The following DPP6 variants were observed in gnomAD, a reference collection of about 807,000 sequenced individuals.
DPP6 encodes A-type potassium channel modulatory protein DPP6.
In DPP6, 69 loss-of-function variants were observed where a neutral mutation model predicts 122.6. The observed-to-expected ratio is 0.56, with a 90% CI of 0.46 to 0.69. DPP6 has a LOEUF of 0.69. Among genes scored for constraint, DPP6 ranks in the 30% least tolerant of loss-of-function variants. The probability of loss-of-function intolerance (pLI) is 0.00; values close to 1 mark genes in which losing one functional copy is unlikely to be tolerated. For missense variants in DPP6, 928 were observed against 1,116.9 expected (o/e 0.83, Z 2.41); for synonymous variants, 418 against 433.1 (o/e 0.97, Z 0.43).
At chr7:153,868,884 T>G in the DPP6 span, among the ~76,000 whole-genome samples, 1 of 152,240 alleles carries the variant, frequency 6.6e-6, no homozygotes. Flanking sequence ...AGAACATCTT[T>G]ATTTCTGCTT....
Position 154,803,866 on chromosome 7 carries a change from C to G in DPP6, c.1410C>G (p.Pro470=), listed in dbSNP as rs751320398. The G allele has an allele frequency of 8.1e-6, 13 of 1,613,542 alleles. No homozygotes were observed. Among genetic ancestry groups the G allele is most frequent in the Non-Finnish European group, 1.1e-5 (13 of 1,179,624 alleles). ...GATGCCATGTCTGTGTGTTTCAGCC[C>G]AACAGCAGCAACGACAACATCCAGT... The part of the protein sequence containing the change: ...FYHITVSSSQ[P]NSSNDNIQSI... The change falls in exon 14 of 26, where the codon CCC becomes CCG. Residue 470 remains proline (P), a splice_region_variant and synonymous_variant. Coordinates refer to ENST00000377770, the MANE Select transcript of DPP6 (RefSeq NM_130797.4).
chr7:154,738,045 G>A (rs1251047582), intron 8 of DPP6, among the ~76,000 whole-genome samples: 1 of 152,240 alleles, frequency 6.6e-6, no homozygotes, highest in Non-Finnish European at 1.5e-5. Context: ...TTGTATATTA[G>A]CATGTGCATG....
the DPP6 span, among the ~76,000 whole-genome samples, chr7:153,843,233 TAC>T: frequency 6.7e-6 from 1 of 150,342 alleles, no homozygotes; most frequent in Non-Finnish European, 1.5e-5. Context: ...TACACGCACA[TAC>T]ACACGCACAT....
chr7:153,972,415 T>C (rs1257811355), intron 1 of DPP6, among the ~76,000 whole-genome samples: 2 of 152,046 alleles, frequency 1.3e-5, no homozygotes, highest in African/African-American at 4.8e-5. Flanking sequence ...GTGAACCTAT[T>C]TGTGTGAAGC....
intron 8 of DPP6, among the ~76,000 whole-genome samples, chr7:154,747,329 G>T (rs975665674): frequency 1.3e-5 from 2 of 152,224 alleles, no homozygotes; most frequent in Admixed American, 1.3e-4. Context: ...TTGCAAACCT[G>T]CAATTGTACA....
At chr7:153,937,284 G>A (rs1585057684) in intron 1 of DPP6, among the ~76,000 whole-genome samples, 1 of 152,094 alleles carries the variant, frequency 6.6e-6, no homozygotes, top group African/African-American at 2.4e-5. Context: ...GATGGCTGTC[G>A]CAAAACACTA....
At chr7:154,798,318 G>A (rs1175817217) in intron 12 of DPP6, among the ~76,000 whole-genome samples, 3 of 152,178 alleles carry the variant, frequency 2.0e-5, no homozygotes, top group African/African-American at 2.4e-5. Flanking sequence ...CTGTATTAGC[G>A]ATTGTGTGTC....
chr7:154,506,817 G>A (rs908831406), intron 3 of DPP6, among the ~76,000 whole-genome samples: 44 of 152,188 alleles, frequency 2.9e-4, no homozygotes, highest in African/African-American at 8.4e-4. Flanking sequence ...AGTGTGATCA[G>A]GGGATAACTA....
chr7:153,906,406 T>C (rs1280600328), intron 1 of DPP6, among the ~76,000 whole-genome samples: 2 of 152,172 alleles, frequency 1.3e-5, no homozygotes, highest in Non-Finnish European at 2.9e-5. Flanking sequence ...TACGTTGCTG[T>C]GTATCCATTG....
intron 2 of DPP6, among the ~76,000 whole-genome samples, chr7:154,468,927 ATACTT>A (rs954635026): frequency 2.6e-5 from 4 of 152,242 alleles, no homozygotes; most frequent in African/African-American, 9.6e-5. Context: ...CATAAATAAT[ATACTT>A]TAGTAACACA....
At chr7:154,819,103 ATCTGAAATGT>A (rs1799600420) in intron 16 of DPP6, among the ~76,000 whole-genome samples, 1 of 152,136 alleles carries the variant, frequency 6.6e-6, no homozygotes, top group Non-Finnish European at 1.5e-5. Context: ...GCAGTCTTTC[ATCTGAAATGT>A]CCATTAAAAA....
intron 1 of DPP6, among the ~76,000 whole-genome samples, chr7:154,260,938 C>T (rs1359706613): frequency 6.6e-6 from 1 of 151,862 alleles, no homozygotes; most frequent in Non-Finnish European, 1.5e-5. Flanking sequence ...CTCTGTTGCC[C>T]AGGCTGGAGT....
intron 1 of DPP6, among the ~76,000 whole-genome samples, chr7:154,362,580 ATTT>A (rs35131020): frequency 7.5e-6 from 1 of 133,160 alleles, no homozygotes. Flanking sequence ...ATGCCATGCT[ATTT>A]TTTTTTTTTT....
intron 2 of DPP6, 78 bp downstream of exon 2, chr7:154,446,406 G>C: frequency 1.1e-6 from 1 of 952,118 alleles, no homozygotes; most frequent in Non-Finnish European, 1.6e-6. Context: ...TTTTTTCTAA[G>C]TAACTACCTA....
intron 1 of DPP6, among the ~76,000 whole-genome samples, chr7:154,430,547 G>A (rs1344084235): frequency 6.6e-6 from 1 of 152,118 alleles, no homozygotes; most frequent in Non-Finnish European, 1.5e-5. Flanking sequence ...ATTACCTCCT[G>A]AAGGCCCCCC....
At chr7:154,825,513 A>C (rs1107521) in intron 16 of DPP6, among the ~76,000 whole-genome samples, 120,997 of 152,164 alleles carry the variant, frequency 0.8, 48,255 homozygotes, top group Non-Finnish European at 0.83. Context: ...GCTCTTTGGC[A>C]CCTCAGTGCC....
At chr7:154,478,276 G>C (rs903249182) in intron 3 of DPP6, among the ~76,000 whole-genome samples, 1 of 152,140 alleles carries the variant, frequency 6.6e-6, no homozygotes, top group Non-Finnish European at 1.5e-5. Flanking sequence ...AATTCATTCA[G>C]TAAGAGATTT....
chr7:153,858,232 G>C, the DPP6 span, among the ~76,000 whole-genome samples: 1 of 152,122 alleles, frequency 6.6e-6, no homozygotes, highest in Non-Finnish European at 1.5e-5. Context: ...TTGTAGATTT[G>C]TGGTAACCAT....
chr7:153,803,024 T>C, the DPP6 span, among the ~76,000 whole-genome samples: 1 of 147,922 alleles, frequency 6.8e-6, no homozygotes, highest in Non-Finnish European at 1.5e-5. Flanking sequence ...ACTGCTGCTG[T>C]GTTCCACGTC....
Sources: gnomAD v4.1 joint callset for allele counts (sites outside exome capture counted in the v4.1 genomes callset) on GRCh38, gnomAD v4.1.1 for gene constraint, MANE v1.5 for transcripts, NCBI Gene and HGNC (gene_info 2026-07-23, HGNC 2026-07-21) for gene names.